BMPR1B: variants seen among roughly 807,000 people sequenced by gnomAD.
BMPR1B encodes bone morphogenetic protein receptor type 1B, also known as bone morphogenetic protein receptor type-1B.
Under a neutral mutation model 59.1 loss-of-function variants are expected in BMPR1B, and 12 were observed. That is an observed-to-expected ratio of 0.20 (90% CI 0.13 to 0.33). The LOEUF (loss-of-function observed/expected upper bound fraction) is 0.33. Ranked by LOEUF, BMPR1B falls within the 10% of genes least tolerant of loss-of-function variation. The pLI, the probability that BMPR1B is intolerant of heterozygous loss-of-function variation, is 1.00. For missense variants in BMPR1B, 550 were observed against 610.9 expected (o/e 0.90, Z 1.05); for synonymous variants, 237 against 207.3 (o/e 1.14, Z -1.23).
intron 1 of BMPR1B, among the ~76,000 whole-genome samples, chr4:94,797,372 C>G (rs1020157014): frequency 1.3e-5 from 2 of 151,934 alleles, no homozygotes; most frequent in African/African-American, 4.8e-5. Context: ...ATAATTATTT[C>G]TTTATTTCCA....
intron 1 of BMPR1B, among the ~76,000 whole-genome samples, chr4:94,865,439 G>A (rs187661954): frequency 3.9e-4 from 59 of 151,332 alleles, no homozygotes; most frequent in Middle Eastern, 7.0e-3. Context: ...CACCCGGGCT[G>A]GAGTACAGTG....
At chr4:94,898,641 C>T (rs1727680626) in intron 2 of BMPR1B, among the ~76,000 whole-genome samples, 1 of 152,058 alleles carries the variant, frequency 6.6e-6, no homozygotes. Context: ...GTCAATTAAA[C>T]TCTTTTCTTT....
At chr4:95,131,018 C>T (rs1370751600) in intron 9 of BMPR1B, among the ~76,000 whole-genome samples, 197 bp from the exon 10 acceptor site, 1 of 152,100 alleles carries the variant, frequency 6.6e-6, no homozygotes, top group African/African-American at 2.4e-5. Flanking sequence ...GTGTGAGCCA[C>T]TGTGCCTAGC....
At chr4:94,847,704 T>C (rs1475710328) in intron 1 of BMPR1B, among the ~76,000 whole-genome samples, 2 of 152,122 alleles carry the variant, frequency 1.3e-5, no homozygotes, top group East Asian at 1.9e-4. Flanking sequence ...AAACTTTGCA[T>C]GTTCTTGTTC....
chr4:95,027,759 A>C (rs552490752), intron 3 of BMPR1B, among the ~76,000 whole-genome samples: 2 of 152,166 alleles, frequency 1.3e-5, no homozygotes, highest in African/African-American at 4.8e-5. Context: ...AGTAGATGAA[A>C]TGCCTGCTTT....
At chr4:94,830,833 A>G (rs1252644308) in intron 1 of BMPR1B, among the ~76,000 whole-genome samples, 2 of 152,176 alleles carry the variant, frequency 1.3e-5, no homozygotes, top group African/African-American at 2.4e-5. Flanking sequence ...TCACCTGTTC[A>G]TGGTGATGCT....
chr4:95,128,144 C>A (rs1376826752), intron 8 of BMPR1B, among the ~76,000 whole-genome samples: 3 of 152,172 alleles, frequency 2.0e-5, no homozygotes, highest in Middle Eastern at 3.4e-3. Flanking sequence ...CCACAGCCTC[C>A]CAAAGTGCTG....
chr4:94,957,438 T>C (rs993539825), intron 2 of BMPR1B, among the ~76,000 whole-genome samples: 4 of 151,130 alleles, frequency 2.6e-5, no homozygotes, highest in Non-Finnish European at 5.9e-5. Flanking sequence ...CATTTTCTTA[T>C]AAGACTTTAG....
At chr4:94,929,449 C>A (rs1478897165) in intron 2 of BMPR1B, among the ~76,000 whole-genome samples, 1 of 152,042 alleles carries the variant, frequency 6.6e-6, no homozygotes. Flanking sequence ...TACTTCTTTG[C>A]AAAATTTAAG....
intron 3 of BMPR1B, among the ~76,000 whole-genome samples, chr4:95,046,531 C>T (rs1324110333): frequency 6.6e-6 from 1 of 152,036 alleles, no homozygotes; most frequent in Non-Finnish European, 1.5e-5. Flanking sequence ...AAATAATCTG[C>T]CCCAGATTAT....
intron 3 of BMPR1B, among the ~76,000 whole-genome samples, chr4:95,083,037 C>CAAAA (rs1171888403): frequency 0.011 from 678 of 60,400 alleles, 43 homozygotes; most frequent in African/African-American, 0.022. Context: ...TACTCTGTCT[C>CAAAA]AAAAAAAAAA....
At chr4:95,092,055 A>G (rs1730033330) in intron 3 of BMPR1B, among the ~76,000 whole-genome samples, 2 of 152,248 alleles carry the variant, frequency 1.3e-5, no homozygotes, top group South Asian at 4.1e-4. Context: ...TGTATCAACT[A>G]TACACTTCTA....
intron 1 of BMPR1B, among the ~76,000 whole-genome samples, chr4:94,855,592 A>ATTTTTTG (rs1725725464): frequency 5.9e-5 from 9 of 152,306 alleles, no homozygotes; most frequent in African/African-American, 1.9e-4. Context: ...GATAGTGCTT[A>ATTTTTTG]TTTTTTGTTA....
In BMPR1B at chr4:95,123,926, A is replaced by C. The variant is rs1417884027; in HGVS notation, c.446+20A>C. The C allele has an allele frequency of 1.3e-6, 2 of 1,556,936 alleles. No individual in the cohort carries two copies. Among genetic ancestry groups the C allele is most frequent in the African/African-American group, 2.7e-5 (2 of 73,570 alleles). On this transcript the variant is annotated intron_variant, in intron 7 of 12. Transcript: ENST00000515059. ...CTTCCGGTAAGTTTCTAACATGTAG[A>C]TGCAAAATTTTTAATTTATAGTGTC... is the stretch of plus-strand genomic sequence containing the variant.
At chr4:94,879,122 G>A (rs1364231264) in intron 2 of BMPR1B, among the ~76,000 whole-genome samples, 1 of 151,998 alleles carries the variant, frequency 6.6e-6, no homozygotes, top group Non-Finnish European at 1.5e-5. Context: ...TTTAGCATTA[G>A]GTATATCTCC....
intron 3 of BMPR1B, among the ~76,000 whole-genome samples, chr4:95,058,819 AT>A (rs1465431131): frequency 5.3e-5 from 8 of 152,126 alleles, no homozygotes; most frequent in African/African-American, 1.9e-4. Flanking sequence ...TCAAATCACT[AT>A]TTTTTTCAGA....
At chr4:94,969,051 T>C (rs969541514) in intron 2 of BMPR1B, among the ~76,000 whole-genome samples, 1 of 152,058 alleles carries the variant, frequency 6.6e-6, no homozygotes, top group Non-Finnish European at 1.5e-5. Context: ...TTGTTTTTTT[T>C]TTGAGACGGA....
intron 3 of BMPR1B, among the ~76,000 whole-genome samples, chr4:95,022,378 A>G (rs1724053583): frequency 6.6e-6 from 1 of 152,238 alleles, no homozygotes; most frequent in African/African-American, 2.4e-5. Flanking sequence ...AATTCAAGTA[A>G]CTACCCTAAA....
chr4:94,965,348 C>T (rs901955623), intron 2 of BMPR1B, among the ~76,000 whole-genome samples: 1 of 152,016 alleles, frequency 6.6e-6, no homozygotes, highest in African/African-American at 2.4e-5. Context: ...ATTAGTTGAG[C>T]TAACATATAT....
Sources: gnomAD v4.1 joint callset for allele counts (sites outside exome capture counted in the v4.1 genomes callset) on GRCh38, gnomAD v4.1.1 for gene constraint, MANE v1.5 for transcripts, NCBI Gene and HGNC (gene_info 2026-07-23, HGNC 2026-07-21) for gene names.